Variants in EPM2A observed in about 807,000 individuals in gnomAD.
The protein encoded by EPM2A is EPM2A glucan phosphatase, laforin, also known as laforin.
Under a neutral mutation model 26.5 loss-of-function variants are expected in EPM2A, and 21 were observed. The observed-to-expected ratio is 0.79, with a 90% CI of 0.56 to 1.14. EPM2A has a LOEUF of 1.14. Among genes scored for constraint, EPM2A ranks in the 50% most tolerant of loss-of-function variants. EPM2A has a pLI of 0.00. For missense variants in EPM2A, 458 were observed against 440.8 expected (o/e 1.04, Z -0.35); for synonymous variants, 217 against 177.6 (o/e 1.22, Z -1.76).
chr6:145,615,807 T>C (rs1775499848), intron 2 of EPM2A, among the ~76,000 whole-genome samples: 1 of 151,632 alleles, frequency 6.6e-6, no homozygotes, highest in African/African-American at 2.4e-5. Context: ...CCCCGAGAGA[T>C]TTATGGAACT....
chr6:145,598,797 G>A (rs979842146), intron 2 of EPM2A, among the ~76,000 whole-genome samples: 2 of 151,894 alleles, frequency 1.3e-5, no homozygotes, highest in African/African-American at 4.8e-5. Flanking sequence ...GTGTAGGGAA[G>A]GGGTCTAGTT....
intron 2 of EPM2A, among the ~76,000 whole-genome samples, chr6:145,579,054 T>C (rs1017719899): frequency 6.6e-6 from 1 of 152,024 alleles, no homozygotes; most frequent in Non-Finnish European, 1.5e-5. Flanking sequence ...TAATGTTAAA[T>C]GACGAGTTAA....
At chr6:145,713,392 T>A (rs370097379) in intron 1 of EPM2A, among the ~76,000 whole-genome samples, 9 of 152,178 alleles carry the variant, frequency 5.9e-5, no homozygotes, top group African/African-American at 2.2e-4. Flanking sequence ...AGGATTTGAA[T>A]AGACATTTCT....
chr6:145,530,145 G>T (rs1780334074), intron 2 of EPM2A, among the ~76,000 whole-genome samples: 1 of 152,124 alleles, frequency 6.6e-6, no homozygotes, highest in Non-Finnish European at 1.5e-5. Flanking sequence ...TACAGTAGCT[G>T]AGGATATCAG....
intron 3 of EPM2A, chr6:145,501,901 G>C: frequency 2.2e-6 from 1 of 464,040 alleles, no homozygotes; most frequent in Non-Finnish European, 4.4e-6. Flanking sequence ...CATTGTTATT[G>C]TTCTCATTTT....
At chr6:145,683,268 G>GGTGTGT (rs35326843) in intron 2 of EPM2A, among the ~76,000 whole-genome samples, 11,622 of 133,856 alleles carry the variant, frequency 0.087, 613 homozygotes, top group Admixed American at 0.11. Context: ...CCCAGGATTT[G>GGTGTGT]GTGTGTGTGT....
chr6:145,726,423 A>C (rs1776209176), intron 1 of EPM2A, among the ~76,000 whole-genome samples: 2 of 152,120 alleles, frequency 1.3e-5, no homozygotes, highest in Admixed American at 1.3e-4. Context: ...GCAGAACATA[A>C]CTTCTCACTT....
intron 1 of EPM2A, among the ~76,000 whole-genome samples, chr6:145,710,681 T>C (rs1562511404): frequency 6.6e-6 from 1 of 152,126 alleles, no homozygotes; most frequent in Non-Finnish European, 1.5e-5. Flanking sequence ...TGTATGTTTA[T>C]TGCGGCATTA....
chr6:145,391,895 C>A (rs1778341315), intron 4 of EPM2A, among the ~76,000 whole-genome samples: 1 of 151,650 alleles, frequency 6.6e-6, no homozygotes, highest in Admixed American at 6.6e-5. Context: ...AGAGATATTT[C>A]TCTTGGCCCT....
At chr6:145,450,505 C>G (rs892931143) in intron 4 of EPM2A, among the ~76,000 whole-genome samples, 2 of 152,108 alleles carry the variant, frequency 1.3e-5, no homozygotes, top group Non-Finnish European at 2.9e-5. Context: ...AAGGCACATA[C>G]AAGAATGATC....
chr6:145,484,392 C>T (rs967525306), intron 4 of EPM2A, among the ~76,000 whole-genome samples: 2 of 152,006 alleles, frequency 1.3e-5, no homozygotes, highest in Non-Finnish European at 2.9e-5. Flanking sequence ...TCTGCCTGTG[C>T]ACTTATTTGA....
downstream of EPM2A, among the ~76,000 whole-genome samples, chr6:145,621,495 A>AT (rs1471870030): frequency 2.0e-5 from 3 of 152,100 alleles, no homozygotes; most frequent in Non-Finnish European, 4.4e-5. Flanking sequence ...TATAGGTTTA[A>AT]TTTTTTTAGA....
intron 2 of EPM2A, among the ~76,000 whole-genome samples, chr6:145,564,995 G>C (rs908038810): frequency 2.0e-5 from 3 of 152,134 alleles, no homozygotes; most frequent in Non-Finnish European, 2.9e-5. Flanking sequence ...TCTCTGAAGA[G>C]GCCTCCCTGA....
chr6:145,462,816 A>C (rs113317728), intron 4 of EPM2A, among the ~76,000 whole-genome samples: 4 of 152,316 alleles, frequency 2.6e-5, no homozygotes, highest in South Asian at 2.1e-4. Context: ...TCTTATTTAA[A>C]GCCTCAATAA....
intron 4 of EPM2A, among the ~76,000 whole-genome samples, chr6:145,395,942 C>T (rs567109272): frequency 6.6e-6 from 1 of 152,278 alleles, no homozygotes; most frequent in East Asian, 1.9e-4. Context: ...TGCATGCCCT[C>T]ACTCAAGCCT....
downstream of EPM2A, among the ~76,000 whole-genome samples, chr6:145,621,518 G>A (rs2128553918): frequency 6.6e-6 from 1 of 151,800 alleles, no homozygotes; most frequent in African/African-American, 2.4e-5. Context: ...ACTCCATATT[G>A]TTTTCCATAA....
intron 4 of EPM2A, among the ~76,000 whole-genome samples, chr6:145,401,784 C>T (rs1970311): frequency 0.11 from 16,756 of 152,080 alleles, 971 homozygotes; most frequent in South Asian, 0.17. Flanking sequence ...AAAGAATGAT[C>T]ATGGCAAGTC....
intron 4 of EPM2A, among the ~76,000 whole-genome samples, chr6:145,479,774 G>C (rs755493601): frequency 1.3e-5 from 2 of 151,958 alleles, no homozygotes; most frequent in Non-Finnish European, 2.9e-5. Context: ...TACCTACCTA[G>C]CAGTTGAGTT....
At chr6:145,723,701 G>T (rs1406783959) in intron 1 of EPM2A, among the ~76,000 whole-genome samples, 1 of 152,072 alleles carries the variant, frequency 6.6e-6, no homozygotes, top group Admixed American at 6.6e-5. Context: ...CAAGATGAAT[G>T]ATATAAATGC....
Sources: allele counts gnomAD v4.1 joint callset (sites outside exome capture counted in the v4.1 genomes callset), GRCh38; gene constraint gnomAD v4.1.1; transcripts MANE v1.5; gene names NCBI Gene and HGNC (gene_info 2026-07-23, HGNC 2026-07-21).